Variants in DAB1 observed in about 807,000 individuals in gnomAD.
DAB1 encodes the protein disabled homolog 1.
DAB1 carries 15 observed loss-of-function variants against 64.6 expected under a neutral mutation model. That is an observed-to-expected ratio of 0.23 (90% CI 0.16 to 0.36). The LOEUF (loss-of-function observed/expected upper bound fraction) is 0.36. DAB1 is among the 10% of genes least tolerant of loss of function. DAB1 has a pLI of 1.00. For synonymous variants in DAB1, 235 were observed against 251.9 expected (o/e 0.93, Z 0.64); for missense variants, 596 against 706.7 (o/e 0.84, Z 1.78).
chr1:57,706,925 T>G lies in DAB1; in HGVS notation n.552-57260A>C, dbSNP rs149722039. Among the ~76,000 whole-genome samples, 1,265 of 151,788 alleles carry G rather than the reference T, an allele frequency of 8.3e-3. 21 individuals are homozygous for G. Among genetic ancestry groups the G allele is most frequent in the African/African-American group, 0.029 (1,215 of 41,386 alleles). ...CCATCTCTACTAAAAATACAAAAAATTAGCCGGGCGTGGTGGCAGGCGCCT... is the reference window on the plus strand; with the variant it reads ...CCATCTCTACTAAAAATACAAAAAAGTAGCCGGGCGTGGTGGCAGGCGCCT... On this transcript the variant is annotated intron_variant and non_coding_transcript_variant, in intron 6 of 20. Coordinates refer to the DAB1 transcript ENST00000485760.
intron 1 of DAB1, among the ~76,000 whole-genome samples, chr1:57,865,300 G>A (rs1024482490): frequency 2.0e-5 from 3 of 152,138 alleles, no homozygotes; most frequent in Non-Finnish European, 4.4e-5. Flanking sequence ...AGTCCTTGTT[G>A]AGACAGCTGC....
intron 3 of DAB1, among the ~76,000 whole-genome samples, chr1:58,360,976 G>A (rs1191058384): frequency 6.6e-6 from 1 of 152,102 alleles, no homozygotes; most frequent in African/African-American, 2.4e-5. Flanking sequence ...TTTTCCCCAT[G>A]TCATGAAATT....
Position 58,134,566 on chromosome 1 carries a change from G to A in DAB1, n.387+15945C>T, listed in dbSNP as rs1056519890. Among the ~76,000 whole-genome samples the A allele has an allele frequency of 6.6e-5, 10 of 152,174 alleles. No individual in the cohort carries two copies. The South Asian group carries it at 8.3e-4, about 13-fold the overall frequency. ...TCATGCTTCTGCAGGCTGTACAGGC[G>A]TCTTCTTCTGGGGAGGCCTCAGGAA... On this transcript the variant is annotated intron_variant and non_coding_transcript_variant, in intron 5 of 20. Coordinates refer to the DAB1 transcript ENST00000485760.
chr1:58,311,466 A>C (rs767983105), intron 4 of DAB1, among the ~76,000 whole-genome samples: 11 of 152,198 alleles, frequency 7.2e-5, no homozygotes, highest in Non-Finnish European at 1.3e-4. Flanking sequence ...CTGTGCTAAG[A>C]ACTTTCCACA....
Position 58,219,025 on chromosome 1 carries a change from C to CTCTGTG in DAB1, n.310-68438_310-68437insCACAGA, listed in dbSNP as rs376130413. 6.4e-3 allele frequency among the ~76,000 whole-genome samples: 835 copies of CTCTGTG among 129,534 alleles called. 16 individuals are homozygous for CTCTGTG. Among genetic ancestry groups the CTCTGTG allele is most frequent in the African/African-American group, 0.022 (717 of 32,008 alleles). 85.0% of individuals were successfully genotyped at this position (129,534 alleles called of 152,430 possible). A position where few individuals can be genotyped will look rare whatever the true frequency, so the allele number is the denominator to read the frequency against. On this transcript the variant is annotated intron_variant and non_coding_transcript_variant, in intron 4 of 20. Transcript: ENST00000485760. Reference sequence around the variant, plus strand: ...TCTCTCTCTCTCTCTCTCTCTCTCTCTGTGTGTGTGTGTGTGTGTTTCAAT... The same window carrying CTCTGTG: ...TCTCTCTCTCTCTCTCTCTCTCTCTCTCTGTGTGTGTGTGTGTGTGTGTGTTTCAAT...
At chr1:58,499,268 T>C (rs1449013475) in intron 3 of DAB1, among the ~76,000 whole-genome samples, 1 of 130,924 alleles carries the variant, frequency 7.6e-6, no homozygotes, top group African/African-American at 3.0e-5. Flanking sequence ...GGTCAAAAAG[T>C]ATGAAGTTTT....
chr1:57,416,381 A>G (rs1479930663), intron 1 of DAB1, among the ~76,000 whole-genome samples: 3 of 152,194 alleles, frequency 2.0e-5, no homozygotes, highest in Non-Finnish European at 2.9e-5. Context: ...TAAACTTTCA[A>G]TGCATTTCAT....
chr1:58,088,412 CTATT>C (rs1376655523), intron 5 of DAB1, among the ~76,000 whole-genome samples: 1 of 152,194 alleles, frequency 6.6e-6, no homozygotes, highest in Non-Finnish European at 1.5e-5. Flanking sequence ...ATTTGCCCAT[CTATT>C]TAAAAAATTA....
chr1:58,176,833 G>T (rs923518983), intron 4 of DAB1, among the ~76,000 whole-genome samples: 1 of 152,072 alleles, frequency 6.6e-6, no homozygotes, highest in Non-Finnish European at 1.5e-5. Context: ...CAAAAAATTA[G>T]CCAGGCATGG....
intron 1 of DAB1, among the ~76,000 whole-genome samples, chr1:57,847,259 C>T (rs747262925): frequency 6.7e-6 from 1 of 149,582 alleles, no homozygotes; most frequent in Non-Finnish European, 1.5e-5. Flanking sequence ...AACAGACATT[C>T]AGCTTTTAAA....
chr1:57,786,624 G>C (rs1026131376), intron 6 of DAB1, among the ~76,000 whole-genome samples: 1 of 152,088 alleles, frequency 6.6e-6, no homozygotes, highest in African/African-American at 2.4e-5. Flanking sequence ...ACCCTATGAG[G>C]TAAGTACATT....
intron 5 of DAB1, among the ~76,000 whole-genome samples, chr1:58,094,271 T>C (rs1220671917): frequency 6.6e-6 from 1 of 152,214 alleles, no homozygotes; most frequent in Non-Finnish European, 1.5e-5. Flanking sequence ...TTTGCAGCTC[T>C]GTCATCCCTG....
At chr1:57,519,640 AAAG>A (rs1477889726) in intron 7 of DAB1, among the ~76,000 whole-genome samples, 1 of 152,152 alleles carries the variant, frequency 6.6e-6, no homozygotes, top group Admixed American at 6.5e-5. Flanking sequence ...TGGAATCACA[AAAG>A]AATAGATTCC....
intron 3 of DAB1, among the ~76,000 whole-genome samples, chr1:58,429,689 T>C (rs562478042): frequency 2.6e-5 from 4 of 152,182 alleles, no homozygotes; most frequent in South Asian, 2.1e-4. Context: ...GGCCTGACCA[T>C]GCTGGATGGT....
rs56175448 is a variant in DAB1 at position 57,214,910 on chromosome 1, C to CAAAAAAAAAAAAAAAA, written c.68-69497_68-69482dup. Among the ~76,000 whole-genome samples the CAAAAAAAAAAAAAAAA allele has an allele frequency of 2.4e-4, 14 of 58,640 alleles. 1 individual carries two copies. Among genetic ancestry groups the CAAAAAAAAAAAAAAAA allele is most frequent in the Non-Finnish European group, 3.7e-4 (12 of 32,808 alleles). The allele number at this position is 58,640 out of a possible 152,430, so 38.5% of individuals were successfully genotyped here. A position where few individuals can be genotyped will look rare whatever the true frequency, so the allele number is the denominator to read the frequency against. On this transcript the variant is annotated intron_variant, in intron 2 of 14. Coordinates refer to ENST00000371236, the MANE Select transcript of DAB1 (RefSeq NM_001365792.1). ...TGGGCGACAGAGCAAGATTCCCTCT[C>CAAAAAAAAAAAAAAAA]AAAAAAAAAAAAAAAAAAAAGAAAG...
rs550134652 is a variant in DAB1 at position 57,238,139 on chromosome 1, C to T, written c.67+52825G>A. 2.6e-5 allele frequency among the ~76,000 whole-genome samples: 4 copies of T among 152,282 alleles called. No homozygotes were observed. The East Asian group carries it at 5.8e-4, about 22-fold the overall frequency. On this transcript the variant is annotated intron_variant, in intron 2 of 14. Coordinates refer to ENST00000371236, the MANE Select transcript of DAB1 (RefSeq NM_001365792.1). ...GACCACGAAACCAAGGCTGTGGCTT[C>T]GAGCAGTGGTTCTGAGTGTGGTCCT...
At chr1:57,324,058 C>T (rs1279268449) in intron 1 of DAB1, among the ~76,000 whole-genome samples, 1 of 152,166 alleles carries the variant, frequency 6.6e-6, no homozygotes, top group African/African-American at 2.4e-5. Context: ...ATACAGAAAA[C>T]TCAGCCTAAT....
intron 3 of DAB1, among the ~76,000 whole-genome samples, chr1:58,489,731 C>T (rs1437902358): frequency 1.3e-5 from 2 of 152,188 alleles, no homozygotes; most frequent in Non-Finnish European, 2.9e-5. Context: ...CCGGGTACTC[C>T]TCTGAGACAA....
intron 2 of DAB1, among the ~76,000 whole-genome samples, chr1:57,278,556 A>T (rs1436675655): frequency 6.6e-6 from 1 of 152,200 alleles, no homozygotes; most frequent in Non-Finnish European, 1.5e-5. Flanking sequence ...ACTGAGAATC[A>T]CAAGGCTTAA....
Sources: allele counts gnomAD v4.1 joint callset (sites outside exome capture counted in the v4.1 genomes callset), GRCh38; gene constraint gnomAD v4.1.1; transcripts MANE v1.5; gene names NCBI Gene and HGNC (gene_info 2026-07-23, HGNC 2026-07-21).